The following RALYL variants were observed in gnomAD, a reference collection of about 807,000 sequenced individuals.
RALYL encodes the protein RNA-binding Raly-like protein.
A neutral mutation model predicts 35.1 loss-of-function variants in RALYL; 29 were observed. The observed-to-expected ratio is 0.83, with a 90% CI of 0.61 to 1.13. The LOEUF is 1.13. RALYL is among the 50% of genes most tolerant of loss of function. The probability of loss-of-function intolerance (pLI) is 0.00; values close to 1 mark genes in which losing one functional copy is unlikely to be tolerated. For missense variants in RALYL, 359 were observed against 360.4 expected, an observed-to-expected ratio of 1.00 and a Z score of 0.03; for synonymous variants, 120 against 127.6, an observed-to-expected ratio of 0.94 and a Z score of 0.40.
chr8:84,566,950 T>C (rs971965768), intron 2 of RALYL, among the ~76,000 whole-genome samples: 8 of 151,734 alleles, frequency 5.3e-5, no homozygotes, highest in African/African-American at 1.9e-4. Flanking sequence ...ACAGTTTCTT[T>C]TAAAATTTTT....
chr8:84,809,796 T>A (rs1825504242), intron 4 of RALYL, among the ~76,000 whole-genome samples: 2 of 152,266 alleles, frequency 1.3e-5, no homozygotes, highest in South Asian at 4.1e-4. Context: ...CCTTAAATGA[T>A]CTTTCGTATT....
At chr8:84,664,216 C>A (rs556386967) in intron 2 of RALYL, among the ~76,000 whole-genome samples, 1 of 149,656 alleles carries the variant, frequency 6.7e-6, no homozygotes, top group East Asian at 2.0e-4. Context: ...TTACTCTAGC[C>A]CCATAGCATA....
intron 1 of RALYL, among the ~76,000 whole-genome samples, chr8:84,230,500 AT>A (rs1183911379): frequency 5.3e-5 from 8 of 152,250 alleles, no homozygotes; most frequent in African/African-American, 1.9e-4. Flanking sequence ...ACAGGAGCAA[AT>A]TTTGGTATTT....
chr8:84,364,194 G>T (rs1341541255), intron 1 of RALYL, among the ~76,000 whole-genome samples: 1 of 152,070 alleles, frequency 6.6e-6, no homozygotes, highest in African/African-American at 2.4e-5. Context: ...GAGAAGAGAG[G>T]CATCAACCAT....
chr8:84,297,067 A>G (rs973265162), intron 1 of RALYL, among the ~76,000 whole-genome samples: 18 of 151,894 alleles, frequency 1.2e-4, no homozygotes, highest in African/African-American at 3.1e-4. Context: ...AAAAAAAAAA[A>G]ATTTAGGGTC....
chr8:84,300,996 T>C (rs1300412559), intron 1 of RALYL, among the ~76,000 whole-genome samples: 1 of 152,108 alleles, frequency 6.6e-6, no homozygotes, highest in Non-Finnish European at 1.5e-5. Flanking sequence ...TCTATGTATG[T>C]AAGTGTGTTT....
chr8:84,804,600 T>G (rs1824152583), intron 3 of RALYL, among the ~76,000 whole-genome samples, 170 bp from the exon 4 acceptor site: 1 of 152,180 alleles, frequency 6.6e-6, no homozygotes, highest in African/African-American at 2.4e-5. Flanking sequence ...AGCTGCAAAT[T>G]GAATTAGTCC....
rs568032612 is a variant in RALYL, at chr8:84,695,728, C to T, written c.257-78851C>T. Reference sequence around the variant, plus strand: ...CTGAGTAATGAGAAATTGTTTGCACCGTGATTACAAATTGGTAGCAAACTT... The same window carrying T: ...CTGAGTAATGAGAAATTGTTTGCACTGTGATTACAAATTGGTAGCAAACTT... On this transcript the variant is annotated intron_variant, in intron 2 of 8. Transcript: ENST00000521268. Among the ~76,000 whole-genome samples, 13 of 151,660 alleles carry T rather than the reference C, an allele frequency of 8.6e-5. No homozygotes were observed. In the South Asian group the frequency reaches 1.0e-3, roughly 12 times the overall value.
chr8:84,538,715 G>A (rs1471099873), intron 2 of RALYL, among the ~76,000 whole-genome samples: 1 of 152,096 alleles, frequency 6.6e-6, no homozygotes, highest in Non-Finnish European at 1.5e-5. Flanking sequence ...AAAGCATGAT[G>A]TAATACAGAT....
intron 2 of RALYL, among the ~76,000 whole-genome samples, chr8:84,565,690 T>G (rs192658325): frequency 2.6e-4 from 39 of 151,706 alleles, no homozygotes; most frequent in Admixed American, 1.1e-3. Flanking sequence ...AATTAATGTC[T>G]GAATGCCTGT....
intron 3 of RALYL, among the ~76,000 whole-genome samples, chr8:84,797,450 G>A (rs914460511): frequency 2.0e-5 from 3 of 152,166 alleles, no homozygotes; most frequent in African/African-American, 7.2e-5. Flanking sequence ...GAGCTTGGCA[G>A]AGTCCCTGGC....
At chr8:84,812,742 G>A (rs1380400428) in intron 4 of RALYL, among the ~76,000 whole-genome samples, 2 of 152,232 alleles carry the variant, frequency 1.3e-5, no homozygotes, top group East Asian at 1.9e-4. Context: ...GCAAACCAAA[G>A]GGCAGGTCTC....
chr8:84,604,541 A>C (rs1816695484), intron 2 of RALYL, among the ~76,000 whole-genome samples: 1 of 152,160 alleles, frequency 6.6e-6, no homozygotes, highest in Non-Finnish European at 1.5e-5. Context: ...TGCTGCAAGT[A>C]TTCCTACATA....
chr8:84,736,731 A>G (rs1264830929), intron 2 of RALYL, among the ~76,000 whole-genome samples: 4 of 152,072 alleles, frequency 2.6e-5, no homozygotes, highest in African/African-American at 7.2e-5. Flanking sequence ...ACAATATTCA[A>G]CCACTTCTTA....
intron 2 of RALYL, among the ~76,000 whole-genome samples, chr8:84,650,409 A>G (rs1418075570): frequency 6.6e-6 from 1 of 152,180 alleles, no homozygotes; most frequent in Non-Finnish European, 1.5e-5. Context: ...AAAGTAGGCG[A>G]AAGACGTGAA....
chr8:84,473,652 T>C (rs1007105090), intron 1 of RALYL, among the ~76,000 whole-genome samples: 2 of 151,882 alleles, frequency 1.3e-5, no homozygotes, highest in Non-Finnish European at 2.9e-5. Context: ...TGGAACATTT[T>C]TGGGTATGTT....
intron 2 of RALYL, among the ~76,000 whole-genome samples, chr8:84,597,887 C>T (rs554971700): frequency 4.6e-5 from 7 of 152,104 alleles, no homozygotes; most frequent in Non-Finnish European, 7.4e-5. Flanking sequence ...TATTTAATAT[C>T]TGGCTCTTTA....
chr8:84,632,809 A>G (rs932108182), intron 2 of RALYL, among the ~76,000 whole-genome samples: 1 of 151,994 alleles, frequency 6.6e-6, no homozygotes, highest in Non-Finnish European at 1.5e-5. Context: ...CTTTTCCCAG[A>G]GGAATATACA....
intron 1 of RALYL, among the ~76,000 whole-genome samples, chr8:84,220,923 A>C (rs1822051869): frequency 6.6e-6 from 1 of 151,992 alleles, no homozygotes; most frequent in Admixed American, 6.6e-5. Context: ...ACTATAAATC[A>C]TTAAAAAATT....
Sources: gnomAD v4.1 joint callset for allele counts (sites outside exome capture counted in the v4.1 genomes callset) on GRCh38, gnomAD v4.1.1 for gene constraint, MANE v1.5 for transcripts, NCBI Gene and HGNC (gene_info 2026-07-23, HGNC 2026-07-21) for gene names.